The following THADA variants were observed in gnomAD, a reference collection of about 807,000 sequenced individuals.
THADA encodes the protein THADA armadillo repeat containing.
In THADA, 213 loss-of-function variants were observed where a neutral mutation model predicts 219.8. That is an observed-to-expected ratio of 0.97 (90% CI 0.87 to 1.09). The LOEUF (loss-of-function observed/expected upper bound fraction) is 1.09, where lower values mean the gene tolerates loss of function less well. Among genes scored for constraint, THADA ranks in the 50% least tolerant of loss-of-function variants. The pLI, the probability that THADA is intolerant of heterozygous loss-of-function variation, is 0.00. For missense variants in THADA, 2,956 were observed against 2,311.3 expected, an observed-to-expected ratio of 1.28 and a Z score of -5.72; for synonymous variants, 1,018 against 828.9, an observed-to-expected ratio of 1.23 and a Z score of -3.92.
intron 29 of THADA, among the ~76,000 whole-genome samples, chr2:43,381,470 A>G (rs1672019922): frequency 1.3e-5 from 2 of 152,202 alleles, no homozygotes; most frequent in South Asian, 2.1e-4. Flanking sequence ...ATTTGATTCC[A>G]AAGAGTAGAG....
At chr2:43,347,103 G>T (rs11684601) in intron 29 of THADA, among the ~76,000 whole-genome samples, 33,741 of 152,026 alleles carry the variant, frequency 0.22, 4,110 homozygotes, top group African/African-American at 0.31. Context: ...AGGAAGGCTA[G>T]ATTAGTGCTA....
chr2:43,378,487 C>A (rs1436771297), intron 29 of THADA, among the ~76,000 whole-genome samples: 1 of 152,064 alleles, frequency 6.6e-6, no homozygotes, highest in African/African-American at 2.4e-5. Context: ...AAACTGTAAG[C>A]CATCAATAAC....
chr2:43,529,820 G>C (rs1266251976), intron 21 of THADA, among the ~76,000 whole-genome samples: 1 of 152,146 alleles, frequency 6.6e-6, no homozygotes, highest in Non-Finnish European at 1.5e-5. Context: ...CATTAGAGAT[G>C]ATAAACAGTA....
In THADA at chr2:43,295,061, C is replaced by T. The variant is rs548905133; in HGVS notation, c.4439-1848G>A. Among the ~76,000 whole-genome samples the T allele has an allele frequency of 1.2e-4, 18 of 152,136 alleles. No homozygotes were observed. In the South Asian group the frequency reaches 2.5e-3, roughly 21 times the overall value. ...ACTGCTTGAGCCCAGGAGTTTGAGA[C>T]CAGCCTGGACAACACTGTGAAAATC... is the stretch of plus-strand genomic sequence containing the variant. On this transcript the variant is annotated intron_variant, in intron 31 of 37. Coordinates refer to ENST00000405975, the MANE Select transcript of THADA (RefSeq NM_022065.5).
intron 36 of THADA, among the ~76,000 whole-genome samples, chr2:43,251,434 G>A (rs1229070516): frequency 6.6e-6 from 1 of 152,218 alleles, no homozygotes; most frequent in Non-Finnish European, 1.5e-5. Flanking sequence ...CAGCCCTGAA[G>A]CCTGCTGGTG....
At chr2:43,480,754 G>A (rs1423846026) in intron 26 of THADA, among the ~76,000 whole-genome samples, 2 of 151,416 alleles carry the variant, frequency 1.3e-5, no homozygotes, top group Non-Finnish European at 1.5e-5. Flanking sequence ...GGAGGCAGAG[G>A]TTGCAGTGAG....
intron 28 of THADA, among the ~76,000 whole-genome samples, chr2:43,416,278 G>GT (rs1410516214): frequency 6.6e-6 from 1 of 152,150 alleles, no homozygotes; most frequent in African/African-American, 2.4e-5. Flanking sequence ...CTTGTCTGTG[G>GT]TGACACATCT....
chr2:43,524,775 A>T (rs547865984), intron 22 of THADA, among the ~76,000 whole-genome samples: 1 of 152,338 alleles, frequency 6.6e-6, no homozygotes, highest in South Asian at 2.1e-4. Flanking sequence ...AGCCAACAGT[A>T]ACAGCCATGA....
Position 43,492,829 on chromosome 2 carries a change from G to A in THADA, c.3744+6004C>T, listed in dbSNP as rs538298155. 5.3e-5 allele frequency among the ~76,000 whole-genome samples: 8 copies of A among 152,294 alleles called. No individual in the cohort carries two copies. In the South Asian group the frequency reaches 1.7e-3, roughly 32 times the overall value. ...GAGTTTCTGGTGACCCTCTTCCAAA[G>A]TAGCAAGACACTTCACCTATGAGCA... On this transcript the variant is annotated intron_variant, in intron 25 of 37. Transcript: ENST00000405975.
intron 22 of THADA, among the ~76,000 whole-genome samples, chr2:43,520,713 T>TACACACACACACAC (rs145550774): frequency 1.7e-4 from 21 of 125,050 alleles, no homozygotes; most frequent in African/African-American, 6.3e-4. Flanking sequence ...TATATATATA[T>TACACACACACACAC]ACACACACAC....
intron 28 of THADA, among the ~76,000 whole-genome samples, chr2:43,411,244 C>G (rs1038599234): frequency 6.6e-6 from 1 of 152,214 alleles, no homozygotes; most frequent in African/African-American, 2.4e-5. Flanking sequence ...TCAAGTCTGT[C>G]TCACTGCAGA....
chr2:43,295,406 A>T (rs1454745343), intron 31 of THADA, among the ~76,000 whole-genome samples: 2 of 152,226 alleles, frequency 1.3e-5, no homozygotes, highest in South Asian at 4.1e-4. Flanking sequence ...GGTTTGAGTC[A>T]TCCCCCACTT....
At chr2:43,303,276 G>C (rs1471814621) in intron 31 of THADA, among the ~76,000 whole-genome samples, 1 of 152,158 alleles carries the variant, frequency 6.6e-6, no homozygotes, top group African/African-American at 2.4e-5. Context: ...TGGTAGGTTG[G>C]AGATTCCAGT....
At chr2:43,538,433 G>C (rs887485732) in intron 21 of THADA, 1 of 152,180 alleles carries the variant, frequency 6.6e-6, no homozygotes, top group African/African-American at 2.4e-5. Flanking sequence ...ACATGCCTCT[G>C]AATGAACACA....
intron 23 of THADA, among the ~76,000 whole-genome samples, chr2:43,507,649 A>G (rs529271714): frequency 6.0e-4 from 91 of 152,278 alleles, no homozygotes; most frequent in African/African-American, 2.1e-3. Flanking sequence ...TAAGAAAGAT[A>G]AGGAAAAAAT....
At chr2:43,394,433 G>C (rs779632363) in intron 29 of THADA, among the ~76,000 whole-genome samples, 6 of 152,124 alleles carry the variant, frequency 3.9e-5, no homozygotes, top group Non-Finnish European at 7.4e-5. Context: ...TCAAGAAAAT[G>C]TTCTGTGAAA....
At chr2:43,558,555 G>A (rs1697673987) in intron 16 of THADA, among the ~76,000 whole-genome samples, 1 of 152,142 alleles carries the variant, frequency 6.6e-6, no homozygotes, top group African/African-American at 2.4e-5. Context: ...AATAAAAGCA[G>A]GAAGAAGAAC....
At chr2:43,560,087 TAG>T (rs1157824604) in intron 16 of THADA, 145 bp downstream of exon 16, 3 of 584,400 alleles carry the variant, frequency 5.1e-6, no homozygotes, top group South Asian at 3.4e-5. Flanking sequence ...CCCAAAATAG[TAG>T]AGAGGTGTTA....
chr2:43,577,419 T>C (rs1699976150), intron 9 of THADA, among the ~76,000 whole-genome samples, 177 bp from the exon 10 acceptor site: 1 of 152,224 alleles, frequency 6.6e-6, no homozygotes, highest in Non-Finnish European at 1.5e-5. Context: ...GGAAAAAAAT[T>C]ACATCAAGTA....
Sources: gnomAD v4.1 joint callset for allele counts (sites outside exome capture counted in the v4.1 genomes callset) on GRCh38, gnomAD v4.1.1 for gene constraint, MANE v1.5 for transcripts, NCBI Gene and HGNC (gene_info 2026-07-23, HGNC 2026-07-21) for gene names.